The following BID variants were observed in gnomAD, a reference collection of about 807,000 sequenced individuals.
BID encodes the protein BH3-interacting domain death agonist.
Under a neutral mutation model 17.4 loss-of-function variants are expected in BID, and 19 were observed. The observed-to-expected ratio is 1.09, with a 90% CI of 0.76 to 1.60. The LOEUF (loss-of-function observed/expected upper bound fraction) is 1.60, where lower values mean the gene tolerates loss of function less well. BID is among the 40% of genes most tolerant of loss of function. The pLI is 0.00. For missense variants in BID, 226 were observed against 256.0 expected (o/e 0.88, Z 0.80); for synonymous variants, 108 against 102.8 (o/e 1.05, Z -0.31).
intron 3 of BID, chr22:17,740,996 C>T (rs2061455406): frequency 6.6e-6 from 1 of 152,252 alleles, no homozygotes; most frequent in African/African-American, 2.4e-5. Context: ...CCCATTAAAT[C>T]TTCTATTTTT....
intron 1 of BID, among the ~76,000 whole-genome samples, chr22:17,759,241 C>CAAAACAAAAACAA (rs2061616979): frequency 2.1e-5 from 2 of 97,084 alleles, no homozygotes; most frequent in Non-Finnish European, 3.7e-5. Context: ...AAACAAAAAA[C>CAAAACAAAAACAA]AAAACAAAAA....
At chr22:17,771,293 G>C (rs1487791326) in intron 1 of BID, among the ~76,000 whole-genome samples, 2 of 152,160 alleles carry the variant, frequency 1.3e-5, no homozygotes, top group African/African-American at 4.8e-5. Context: ...TAGAGACGGG[G>C]TTTCAACGTC....
At chr22:17,765,393 A>G (rs1284420832) in intron 1 of BID, among the ~76,000 whole-genome samples, 2 of 152,230 alleles carry the variant, frequency 1.3e-5, no homozygotes, top group Non-Finnish European at 2.9e-5. Context: ...AGGTATACCT[A>G]GTAACCAATG....
At chr22:17,737,147 G>A (rs187958066) in intron 5 of BID, among the ~76,000 whole-genome samples, 44 of 151,732 alleles carry the variant, frequency 2.9e-4, no homozygotes, top group African/African-American at 7.5e-4. Context: ...ACAGGGTCTC[G>A]CCATGTTGCT....
chr22:17,762,767 G>T (rs5747347), intron 1 of BID, among the ~76,000 whole-genome samples: 78,263 of 151,662 alleles, frequency 0.52, 21,733 homozygotes, highest in East Asian at 0.76. Context: ...AGGGATAAAA[G>T]CCTACTTAAT....
chr22:17,768,916 C>T (rs1188537265), intron 1 of BID, among the ~76,000 whole-genome samples: 2 of 149,954 alleles, frequency 1.3e-5, no homozygotes, highest in African/African-American at 4.9e-5. Context: ...GTGGTGGGCG[C>T]CTGTAGTCCC....
intron 1 of BID, among the ~76,000 whole-genome samples, chr22:17,766,022 G>A (rs1461202317): frequency 6.6e-6 from 1 of 152,064 alleles, no homozygotes; most frequent in African/African-American, 2.4e-5. Context: ...TCAACCTCCC[G>A]GGCTCAGGCG....
chr22:17,744,140 C>A, intron 2 of BID, 127 bp from the exon 3 acceptor site: 2 of 811,046 alleles, frequency 2.5e-6, no homozygotes, highest in Non-Finnish European at 3.9e-6. Context: ...ACCCTGTGGG[C>A]TGGAGGGCCC....
chr22:17,756,164 G>A (rs1569047296), intron 1 of BID, among the ~76,000 whole-genome samples: 1 of 152,148 alleles, frequency 6.6e-6, no homozygotes, highest in Non-Finnish European at 1.5e-5. Flanking sequence ...ACTGCAGCCG[G>A]CCTGTTGTTG....
chr22:17,768,438 C>T (rs1427203599), intron 1 of BID, among the ~76,000 whole-genome samples: 1 of 152,220 alleles, frequency 6.6e-6, no homozygotes, highest in African/African-American at 2.4e-5. Context: ...CCTCCCTCCC[C>T]TGCCCAGGCC....
At chr22:17,766,007 C>T (rs1416130474) in intron 1 of BID, among the ~76,000 whole-genome samples, 1 of 152,214 alleles carries the variant, frequency 6.6e-6, no homozygotes, top group Non-Finnish European at 1.5e-5. Flanking sequence ...CAGCTCACTA[C>T]AGCCTCAACC....
At chr22:17,770,984 C>T (rs1448232233) in intron 1 of BID, among the ~76,000 whole-genome samples, 1 of 152,186 alleles carries the variant, frequency 6.6e-6, no homozygotes, top group African/African-American at 2.4e-5. Flanking sequence ...GGGGCCACAG[C>T]AGCCACAGAG....
In BID at chr22:17,773,748, GC is replaced by G; in HGVS notation, c.-59+632del. 1 of 1,533,744 alleles carries G rather than the reference GC, an allele frequency of 6.5e-7. No individual in the cohort carries two copies. Among genetic ancestry groups the G allele is most frequent in the Non-Finnish European group, 8.9e-7 (1 of 1,125,714 alleles). The stretch of plus-strand genomic sequence containing the variant: ...CAGCCCAGCCACTTGGTGGCTGAGG[GC>G]TTCAGAGCTCTCCCAGGGTCCCCTG... On this transcript the variant is annotated intron_variant, in intron 1 of 5. Transcript: ENST00000622694. The surrounding 1 kb of genome is among the most constrained non-coding windows in gnomAD (Gnocchi z 4.4).
At chr22:17,742,045 G>A (rs964364905) in intron 3 of BID, among the ~76,000 whole-genome samples, 2 of 152,212 alleles carry the variant, frequency 1.3e-5, no homozygotes, top group African/African-American at 4.8e-5. Context: ...CTGGCCACCA[G>A]CCGAGTAGCA....
intron 1 of BID, among the ~76,000 whole-genome samples, chr22:17,756,463 CTT>C (rs1414477627): frequency 8.8e-5 from 9 of 102,136 alleles, no homozygotes; most frequent in African/African-American, 1.4e-4. Flanking sequence ...TTCTTTCTTT[CTT>C]TCTTTCTTTC....
intron 2 of BID, among the ~76,000 whole-genome samples, chr22:17,749,345 G>A (rs564127738): frequency 6.6e-6 from 1 of 152,232 alleles, no homozygotes; most frequent in East Asian, 1.9e-4. Context: ...GAACTCCACC[G>A]CTTTTATCTT....
Position 17,773,699 on chromosome 22 carries a change from T to TTGAA in BID, c.-59+678_-59+681dup, listed in dbSNP as rs761401208. On this transcript the variant is annotated intron_variant, in intron 1 of 5. Transcript: ENST00000622694. The surrounding 1 kb of genome is among the most constrained non-coding windows in gnomAD (Gnocchi z 4.4). ...CAGCACCGCTGCACATTCGTATTTG[T>TTGAA]TGAATGAATGAATGAACCCTTGCCA... 9.3e-6 allele frequency: 15 copies of TTGAA among 1,607,856 alleles called. No individual in the cohort carries two copies. The East Asian group carries it at 3.1e-4, about 33-fold the overall frequency.
At chr22:17,760,451 CAAAAAAA>C (rs55817445) in intron 1 of BID, among the ~76,000 whole-genome samples, 23 of 30,750 alleles carry the variant, frequency 7.5e-4, no homozygotes, top group East Asian at 5.0e-3. Flanking sequence ...GACTCTGTCT[CAAAAAAA>C]AAAAAAAAAA....
intron 1 of BID, among the ~76,000 whole-genome samples, chr22:17,757,674 A>C (rs997123040): frequency 6.8e-5 from 10 of 147,286 alleles, no homozygotes; most frequent in South Asian, 4.2e-4. Context: ...GCGCCACTGT[A>C]CTCCAGCCTG....
Sources: gnomAD v4.1 joint callset for allele counts (sites outside exome capture counted in the v4.1 genomes callset) on GRCh38, gnomAD v4.1.1 for gene constraint, Gnocchi (gnomAD v3.1) non-coding constraint, MANE v1.5 for transcripts, NCBI Gene and HGNC (gene_info 2026-07-23, HGNC 2026-07-21) for gene names.